Variants in RGS8 observed in about 807,000 individuals in gnomAD.
RGS8 encodes the protein regulator of G-protein signaling 8.
RGS8 carries 8 observed loss-of-function variants against 21.7 expected under a neutral mutation model. The observed-to-expected ratio is 0.37, with a 90% CI of 0.22 to 0.66. RGS8 has a LOEUF of 0.66. Ranked by LOEUF, RGS8 falls within the 30% of genes least tolerant of loss-of-function variation. The pLI, the probability that RGS8 is intolerant of heterozygous loss-of-function variation, is 0.59. For synonymous variants in RGS8, 80 were observed against 83.6 expected (o/e 0.96, Z 0.24); for missense variants, 157 against 217.9 (o/e 0.72, Z 1.76).
At chr1:182,730,368 T>G in the RGS8 span, among the ~76,000 whole-genome samples, 2 of 152,052 alleles carry the variant, frequency 1.3e-5, no homozygotes, top group Non-Finnish European at 2.9e-5. Flanking sequence ...CCTATCGCAC[T>G]AGGAGGCAAT....
chr1:182,741,365 C>A, the RGS8 span, among the ~76,000 whole-genome samples: 1 of 128,620 alleles, frequency 7.8e-6, no homozygotes, highest in Non-Finnish European at 1.7e-5. Context: ...GGGGGCTGAA[C>A]CCCCCACCTC....
At position 182,684,518 on chromosome 1, in the gene RGS8, GCAA is replaced by G. The variant is rs1292075163; in HGVS notation, n.56_58del. On this transcript the variant is annotated non_coding_transcript_exon_variant, in exon 1 of 5. Transcript: ENST00000515211. The surrounding 1 kb of genome is among the most constrained non-coding windows in gnomAD (Gnocchi z 4.2). The stretch of plus-strand genomic sequence containing the variant: ...ACCCAGCGCCCCTAGAATAGCGGCT[GCAA>G]CATGCTGCTCCTGCCGGCTCCGCTC... 6.6e-6 allele frequency: 1 copy of G among 152,364 alleles called. No homozygotes were observed. The highest frequency in any genetic ancestry group is 1.5e-5 in the Non-Finnish European group (1 of 68,192). The allele number at this position is 152,364 out of a possible 1,614,324, so 9.4% of individuals were successfully genotyped here.
chr1:182,669,869 C>G (rs1664070038), intron 2 of RGS8, 117 bp from the exon 4 acceptor site: 1 of 1,135,274 alleles, frequency 8.8e-7, no homozygotes, highest in Non-Finnish European at 1.2e-6. Flanking sequence ...CCCCCCAGCC[C>G]CACAAATGTC....
At chr1:182,750,753 G>A in the RGS8 span, among the ~76,000 whole-genome samples, 2 of 151,352 alleles carry the variant, frequency 1.3e-5, no homozygotes, top group African/African-American at 2.4e-5. Flanking sequence ...CATGCTTTTA[G>A]GAAGTTTACT....
At chr1:182,677,209 C>A (rs546407918), upstream of RGS8, among the ~76,000 whole-genome samples, 2 of 152,186 alleles carry the variant, frequency 1.3e-5, no homozygotes, top group South Asian at 4.1e-4. Flanking sequence ...GCAAGCTACT[C>A]GCCCTGTCTG....
At chr1:182,721,048 T>TATATATGTGTGTGTATATACATATATAC in the RGS8 span, among the ~76,000 whole-genome samples, 1 of 70,754 alleles carries the variant, frequency 1.4e-5, no homozygotes, top group Non-Finnish European at 2.8e-5. Flanking sequence ...TACATATACA[T>TATATATGTGTGTGTATATACATATATAC]ACATATATAT....
chr1:182,655,508 G>A (rs1240133101), intron 5 of RGS8, among the ~76,000 whole-genome samples: 1 of 152,226 alleles, frequency 6.6e-6, no homozygotes, highest in Non-Finnish European at 1.5e-5. Context: ...TTTGGAGTTG[G>A]AGATGTGTGG....
intron 3 of RGS8, among the ~76,000 whole-genome samples, chr1:182,667,957 C>T (rs1463878683): frequency 3.9e-5 from 6 of 152,170 alleles, no homozygotes; most frequent in African/African-American, 1.4e-4. Flanking sequence ...GCCGGGATTA[C>T]AGGCCCAAGC....
At chr1:182,744,003 C>G in the RGS8 span, among the ~76,000 whole-genome samples, 2 of 152,200 alleles carry the variant, frequency 1.3e-5, no homozygotes, top group African/African-American at 4.8e-5. Context: ...TTATCTGACT[C>G]TCCACTGTAA....
chr1:182,720,562 G>A, the RGS8 span, among the ~76,000 whole-genome samples: 2 of 152,092 alleles, frequency 1.3e-5, no homozygotes, highest in African/African-American at 4.8e-5. Context: ...AGCTCTCAGA[G>A]ATGTGCCAAC....
chr1:182,679,248 C>T (rs1664465140), intron 1 of RGS8, among the ~76,000 whole-genome samples: 1 of 152,106 alleles, frequency 6.6e-6, no homozygotes, highest in Non-Finnish European at 1.5e-5. Context: ...CTTCCTATCC[C>T]CTCCTAACCC....
chr1:182,662,960 G>A lies in RGS8; in HGVS notation c.193+3009C>T, dbSNP rs563772953. Among the ~76,000 whole-genome samples the A allele has an allele frequency of 2.0e-5, 3 of 152,010 alleles. No homozygotes were observed. In the South Asian group the frequency reaches 6.2e-4, roughly 32 times the overall value. ...CCTGTAGATTGAGAATGGGGAGGGG[G>A]GGAAATAATCATCTGTGTTTTCTGA... On this transcript the variant is annotated intron_variant, in intron 5 of 6. Transcript: ENST00000483095.
upstream of RGS8, among the ~76,000 whole-genome samples, chr1:182,686,498 C>G (rs771130325): frequency 6.6e-6 from 1 of 152,050 alleles, no homozygotes; most frequent in Non-Finnish European, 1.5e-5. Flanking sequence ...ATTAGCATGA[C>G]GAGATCCTCT....
At chr1:182,714,315 T>G in the RGS8 span, 1 of 152,240 alleles carries the variant, frequency 6.6e-6, no homozygotes, top group Non-Finnish European at 1.5e-5. Context: ...TCCATTAGGC[T>G]GTAAGATCCA....
chr1:182,680,772 T>A (rs1664511482), intron 1 of RGS8, among the ~76,000 whole-genome samples: 1 of 152,164 alleles, frequency 6.6e-6, no homozygotes, highest in Non-Finnish European at 1.5e-5. Context: ...TGTAGCACGG[T>A]CCCCGGCAAC....
chr1:182,705,987 A>G, the RGS8 span, among the ~76,000 whole-genome samples: 8,557 of 151,518 alleles, frequency 0.056, 264 homozygotes, highest in African/African-American at 0.084. Flanking sequence ...TTTTTTCTTT[A>G]TTTTTTATTT....
the RGS8 span, among the ~76,000 whole-genome samples, chr1:182,748,136 CTTTATG>C: frequency 6.6e-6 from 1 of 152,200 alleles, no homozygotes; most frequent in Admixed American, 6.5e-5. Flanking sequence ...CCTTCAATCT[CTTTATG>C]TTTATCAAGA....
the RGS8 span, among the ~76,000 whole-genome samples, chr1:182,707,699 T>C: frequency 6.6e-6 from 1 of 152,042 alleles, no homozygotes; most frequent in Non-Finnish European, 1.5e-5. Context: ...TAAATTTTTG[T>C]TTGTTTGTTT....
downstream of RGS8, chr1:182,643,009 G>A (rs1448176604): frequency 6.6e-6 from 1 of 152,210 alleles, no homozygotes; most frequent in Non-Finnish European, 1.5e-5. Context: ...CAAACACAAG[G>A]GCGCAGGAAA....
Sources: allele counts gnomAD v4.1 joint callset (sites outside exome capture counted in the v4.1 genomes callset), GRCh38; gene constraint gnomAD v4.1.1; non-coding constraint Gnocchi (gnomAD v3.1); transcripts MANE v1.5; gene names NCBI Gene and HGNC (gene_info 2026-07-23, HGNC 2026-07-21).